The following WNK1 variants were observed in gnomAD, a reference collection of about 807,000 sequenced individuals.
The protein encoded by WNK1 is WNK lysine deficient protein kinase 1, also known as serine/threonine-protein kinase WNK1.
In WNK1, 38 loss-of-function variants were observed where a neutral mutation model predicts 222.8. That is an observed-to-expected ratio of 0.17 (90% CI 0.13 to 0.22). The LOEUF (loss-of-function observed/expected upper bound fraction) is 0.22. WNK1 is among the 10% of genes least tolerant of loss of function. The pLI is 1.00. For synonymous variants in WNK1, 1,090 were observed against 1,092.9 expected (o/e 1.00, Z 0.05); for missense variants, 2,348 against 2,918.4 (o/e 0.80, Z 4.50).
Position 879,857 on chromosome 12 carries a change from G to A in WNK1, c.2658G>A (p.Pro886=), listed in dbSNP as rs200965163. The change falls in exon 11 of 28, where the codon CCG becomes CCA. Residue 886 remains proline (P), a synonymous_variant. Coordinates refer to ENST00000315939, the MANE Select transcript of WNK1 (RefSeq NM_018979.4). The part of the protein sequence containing the change: ...LASSATTAAI[P]GVSTVVPSQL... Reference sequence around the variant, plus strand: ...CATCTGCTACAACAGCTGCGATCCCGGGGGTATCAACTGTGGTTCCTAGTC... The same window carrying A: ...CATCTGCTACAACAGCTGCGATCCCAGGGGTATCAACTGTGGTTCCTAGTC... 7.4e-6 allele frequency: 12 copies of A among 1,614,080 alleles called. No homozygotes were observed. In the East Asian group the frequency reaches 1.1e-4, roughly 15 times the overall value.
chr12:833,015 T>TC (rs1032605360), intron 4 of WNK1, among the ~76,000 whole-genome samples: 13 of 111,918 alleles, frequency 1.2e-4, no homozygotes, highest in Non-Finnish European at 1.9e-4. Context: ...ACATTCTCTC[T>TC]TTTTTTTTTT....
chr12:809,769 A>G (rs1262434197), intron 1 of WNK1, among the ~76,000 whole-genome samples: 1 of 152,192 alleles, frequency 6.6e-6, no homozygotes, highest in Non-Finnish European at 1.5e-5. Flanking sequence ...CCAGACTTAA[A>G]TAATTATTTA....
chr12:803,374 A>G (rs1173832632), intron 1 of WNK1, among the ~76,000 whole-genome samples: 2 of 152,252 alleles, frequency 1.3e-5, no homozygotes, highest in African/African-American at 4.8e-5. Flanking sequence ...TGAATAAGTA[A>G]TATGTTGTAA....
intron 4 of WNK1, among the ~76,000 whole-genome samples, chr12:832,069 T>C (rs185001616): frequency 9.3e-4 from 142 of 152,216 alleles, no homozygotes; most frequent in African/African-American, 3.3e-3. Context: ...TTATTTTTAA[T>C]TTTTTATTTA....
chr12:885,772 A>G lies in WNK1; in HGVS notation c.4968A>G (p.Glu1656=), dbSNP rs140035394. 4.0e-5 allele frequency: 64 copies of G among 1,614,118 alleles called. No homozygotes were observed. Among genetic ancestry groups the G allele is most frequent in the East Asian group, 1.1e-4 (5 of 44,900 alleles). The change falls in exon 19 of 28, where the codon GAA becomes GAG. Residue 1656 remains glutamate (E), a synonymous_variant. Transcript: ENST00000315939. The part of the protein sequence containing the change: ...APGIDDIKTL[E]EKLRSLFSEH... ...GAATTGATGACATAAAGACTCTAGA[A>G]GAAAAGCTGCGGTCTCTGTTCAGTG...
chr12:765,401 C>T (rs1350557351), intron 1 of WNK1, among the ~76,000 whole-genome samples: 4 of 146,878 alleles, frequency 2.7e-5, no homozygotes, highest in Non-Finnish European at 4.6e-5. Flanking sequence ...AAAAAATTAG[C>T]TGGGCCTGGT....
chr12:886,356 T>C (rs1953651943), intron 19 of WNK1, among the ~76,000 whole-genome samples: 2 of 152,194 alleles, frequency 1.3e-5, no homozygotes, highest in Admixed American at 1.3e-4. Flanking sequence ...TTCTTCTGAA[T>C]TGGTACAAAC....
At chr12:887,185 G>A (rs369312696) in intron 19 of WNK1, 36 bp from the exon 20 acceptor site, 55 of 1,589,384 alleles carry the variant, frequency 3.5e-5, no homozygotes, top group Non-Finnish European at 3.8e-5. Context: ...TATATTTAGC[G>A]TCTCACGGAC....
intron 1 of WNK1, among the ~76,000 whole-genome samples, chr12:795,834 T>C (rs1233038758): frequency 6.6e-6 from 1 of 152,170 alleles, no homozygotes; most frequent in Non-Finnish European, 1.5e-5. Flanking sequence ...TTTTATGCTT[T>C]GGGGGTCATT....
chr12:845,002 TCTC>T (rs1205560403), intron 4 of WNK1, among the ~76,000 whole-genome samples: 5 of 146,804 alleles, frequency 3.4e-5, no homozygotes, highest in African/African-American at 1.2e-4. Context: ...TTCACGCCAT[TCTC>T]CTGCCTCAGC....
intron 1 of WNK1, among the ~76,000 whole-genome samples, chr12:778,836 G>T (rs558054409): frequency 7.9e-5 from 12 of 152,042 alleles, no homozygotes; most frequent in African/African-American, 9.6e-5. Context: ...CTTCTCTCTC[G>T]TGCTGTTTCT....
intron 1 of WNK1, among the ~76,000 whole-genome samples, chr12:758,329 G>A (rs186478327): frequency 7.1e-6 from 1 of 140,462 alleles, no homozygotes; most frequent in African/African-American, 2.5e-5. Context: ...AATGGGATGT[G>A]GTTCTGTGAT....
intron 1 of WNK1, among the ~76,000 whole-genome samples, chr12:776,067 T>G (rs1943051814): frequency 6.6e-6 from 1 of 152,188 alleles, no homozygotes; most frequent in African/African-American, 2.4e-5. Context: ...AGGATCTCAT[T>G]CTGTGGCCCA....
At chr12:801,519 C>T (rs982754369) in intron 1 of WNK1, among the ~76,000 whole-genome samples, 3 of 151,024 alleles carry the variant, frequency 2.0e-5, no homozygotes, top group African/African-American at 7.3e-5. Context: ...AGGGATCCTC[C>T]CACCTCAGCC....
At chr12:773,275 T>G (rs11064523) in intron 1 of WNK1, among the ~76,000 whole-genome samples, 22,345 of 151,948 alleles carry the variant, frequency 0.15, 1,863 homozygotes, top group Middle Eastern at 0.21. Flanking sequence ...AAAAAAGTTC[T>G]TTAAAGAAGT....
At position 878,038 on chromosome 12, in the gene WNK1, C is replaced by T. The variant is rs1192762459; in HGVS notation, c.2224-174C>T. The stretch of plus-strand genomic sequence containing the variant: ...TTCCTGGTGGCACCATCACAAAGAA[C>T]ATCAGAGGGAAAACAAATATATAAT... On this transcript the variant is annotated intron_variant, in intron 9 of 27. Transcript: ENST00000315939. 8.8e-6 allele frequency: 7 copies of T among 793,866 alleles called. No homozygotes were observed. The African/African-American group carries it at 1.2e-4, about 14-fold the overall frequency. The allele number at this position is 793,866 out of a possible 1,614,324, so 49.2% of individuals were successfully genotyped here. A position where few individuals can be genotyped will look rare whatever the true frequency, so the allele number is the denominator to read the frequency against.
intron 8 of WNK1, among the ~76,000 whole-genome samples, chr12:869,963 T>C (rs1182490598): frequency 6.6e-6 from 1 of 152,186 alleles, no homozygotes; most frequent in Non-Finnish European, 1.5e-5. Flanking sequence ...ATGTAATGAA[T>C]GTAATAGAAT....
At chr12:839,135 A>G (rs1223935841) in intron 4 of WNK1, among the ~76,000 whole-genome samples, 2 of 152,206 alleles carry the variant, frequency 1.3e-5, no homozygotes, top group Non-Finnish European at 2.9e-5. Context: ...TGGACAGGTT[A>G]GGGATATGGT....
intron 4 of WNK1, among the ~76,000 whole-genome samples, chr12:841,768 C>G (rs759242307): frequency 6.6e-6 from 1 of 152,154 alleles, no homozygotes; most frequent in Non-Finnish European, 1.5e-5. Flanking sequence ...CGGACTTTCT[C>G]GTGTCATTTT....
Sources: allele counts gnomAD v4.1 joint callset (sites outside exome capture counted in the v4.1 genomes callset), GRCh38; gene constraint gnomAD v4.1.1; transcripts MANE v1.5; gene names NCBI Gene and HGNC (gene_info 2026-07-23, HGNC 2026-07-21).